The following MNS1 variants were observed in gnomAD, a reference collection of about 807,000 sequenced individuals.
MNS1 encodes meiosis specific nuclear structural 1.
Under a neutral mutation model 72.0 loss-of-function variants are expected in MNS1, and 63 were observed. The observed-to-expected ratio is 0.87, with a 90% CI of 0.71 to 1.08. MNS1 has a LOEUF of 1.08. Ranked by LOEUF, MNS1 falls within the 50% of genes least tolerant of loss-of-function variation. The pLI is 0.00. For missense variants in MNS1, 604 were observed against 562.4 expected, an observed-to-expected ratio of 1.07 and a Z score of -0.75; for synonymous variants, 188 against 172.1, an observed-to-expected ratio of 1.09 and a Z score of -0.72.
intron 3 of MNS1, among the ~76,000 whole-genome samples, chr15:56,450,878 ACTT>A (rs1166643117): frequency 7.2e-5 from 11 of 152,050 alleles, no homozygotes; most frequent in African/African-American, 2.7e-4. Flanking sequence ...CAATTTTCCC[ACTT>A]TCTTGGCAAT....
chr15:56,434,605 G>A (rs1381213750), intron 7 of MNS1, among the ~76,000 whole-genome samples: 1 of 152,028 alleles, frequency 6.6e-6, no homozygotes. Context: ...TGTTACTCAT[G>A]AACAAATTTT....
chr15:56,448,751 CTTTTTTT>C (rs34366643), intron 3 of MNS1, among the ~76,000 whole-genome samples: 45 of 117,672 alleles, frequency 3.8e-4, no homozygotes, highest in Middle Eastern at 5.2e-3. Context: ...TTTTTAGATT[CTTTTTTT>C]TTTTTTTTTT....
intron 2 of MNS1, among the ~76,000 whole-genome samples, chr15:56,463,613 C>T (rs1200579341): frequency 2.0e-5 from 3 of 152,032 alleles, no homozygotes; most frequent in Non-Finnish European, 4.4e-5. Context: ...GAAACCCCGT[C>T]TCTACTAAAA....
intron 7 of MNS1, among the ~76,000 whole-genome samples, chr15:56,434,949 G>C (rs1041719485): frequency 6.6e-6 from 1 of 152,030 alleles, no homozygotes; most frequent in African/African-American, 2.4e-5. Context: ...AGTTGGAACA[G>C]TTAAGTCCTT....
chr15:56,461,339 G>C (rs768013212), intron 2 of MNS1, among the ~76,000 whole-genome samples: 2 of 152,032 alleles, frequency 1.3e-5, no homozygotes, highest in African/African-American at 4.8e-5. Context: ...AGCAAGGAAG[G>C]TATCAAAGAT....
intron 9 of MNS1, chr15:56,429,441 T>G: frequency 5.7e-6 from 2 of 353,098 alleles, no homozygotes; most frequent in South Asian, 7.6e-5. Context: ...CATAGGAATC[T>G]GAGCTCTTCT....
intron 9 of MNS1, chr15:56,430,219 T>A (rs575831448): frequency 6.6e-6 from 1 of 152,334 alleles, no homozygotes; most frequent in East Asian, 1.9e-4. Flanking sequence ...ATTACTTTTT[T>A]AAGACAAGAC....
At chr15:56,457,897 T>C (rs1246000514) in intron 2 of MNS1, among the ~76,000 whole-genome samples, 1 of 80,302 alleles carries the variant, frequency 1.2e-5, no homozygotes, top group Non-Finnish European at 3.5e-5. Flanking sequence ...AAATGAAAAC[T>C]TTTTATTTAA....
In MNS1 at chr15:56,459,990, C is replaced by CAAA. The variant is rs150132300; in HGVS notation, c.226-3472_226-3470dup. On this transcript the variant is annotated intron_variant, in intron 2 of 9. Coordinates refer to ENST00000260453, the MANE Select transcript of MNS1 (RefSeq NM_018365.4). ...GGGCAACAAGAGCGAAATTCTGTCT[C>CAAA]AAAAAAAAAAAAAAAAAAAATACAT... Among the ~76,000 whole-genome samples the CAAA allele has an allele frequency of 2.8e-3, 31 of 11,110 alleles. 8 individuals are homozygous for CAAA. Among genetic ancestry groups the CAAA allele is most frequent in the African/African-American group, 3.6e-3 (8 of 2,238 alleles). 7.3% of individuals were successfully genotyped at this position (11,110 alleles called of 152,430 possible).
chr15:56,464,877 A>G (rs960181915), intron 1 of MNS1, 93 bp downstream of exon 1: 1 of 1,553,686 alleles, frequency 6.4e-7, no homozygotes, highest in African/African-American at 1.4e-5. Context: ...GACCAGATTA[A>G]GCACTTAAAA....
At chr15:56,435,260 A>G (rs2050701698) in intron 7 of MNS1, among the ~76,000 whole-genome samples, 2 of 152,010 alleles carry the variant, frequency 1.3e-5, no homozygotes, top group African/African-American at 2.4e-5. Context: ...CCCCACTTCA[A>G]GAACCTATAA....
In MNS1 at chr15:56,434,422, T is replaced by C. The variant is rs1208241171; in HGVS notation, c.1012-27A>G. The stretch of plus-strand genomic sequence containing the variant: ...TAAACAATACAGCTGAAAGTTAATT[T>C]AGTAACTATTTCCTTACACCAGATT... On this transcript the variant is annotated intron_variant, in intron 7 of 9. Coordinates refer to ENST00000260453, the MANE Select transcript of MNS1 (RefSeq NM_018365.4). 1.9e-6 allele frequency: 3 copies of C among 1,585,494 alleles called. No homozygotes were observed. The African/African-American group carries it at 4.1e-5, about 21-fold the overall frequency.
At position 56,443,321 on chromosome 15, in the gene MNS1, T is replaced by C. The variant is rs957431370; in HGVS notation, c.1011+109A>G. The C allele has an allele frequency of 6.6e-6, 5 of 757,066 alleles. No individual in the cohort carries two copies. The Admixed American group carries it at 1.1e-4, about 16-fold the overall frequency. 46.9% of individuals were successfully genotyped at this position (757,066 alleles called of 1,614,324 possible). On this transcript the variant is annotated intron_variant, in intron 7 of 9. Transcript: ENST00000260453. ...TTAACTGTAGTATACCATTTACATATAATGTAATTACCAGTATGGTTGGAT... is the reference window on the plus strand; with the variant it reads ...TTAACTGTAGTATACCATTTACATACAATGTAATTACCAGTATGGTTGGAT...
chr15:56,448,509 A>T lies in MNS1; in HGVS notation c.354-1566T>A, dbSNP rs1421035729. ...GTATTTGGTTTTCTGTTACTGCGTT[A>T]ATTTGCTTAGGATAACGGCCTCCAG... On this transcript the variant is annotated intron_variant, in intron 3 of 9. Coordinates refer to ENST00000260453, the MANE Select transcript of MNS1 (RefSeq NM_018365.4). Among the ~76,000 whole-genome samples the T allele has an allele frequency of 2.0e-5, 3 of 152,150 alleles. No homozygotes were observed. The East Asian group carries it at 5.8e-4, about 29-fold the overall frequency.
At chr15:56,433,334 G>A (rs1389669786) in intron 8 of MNS1, among the ~76,000 whole-genome samples, 1 of 151,762 alleles carries the variant, frequency 6.6e-6, no homozygotes, top group Non-Finnish European at 1.5e-5. Context: ...CCTAGATGAC[G>A]GGTTGATAGG....
At chr15:56,429,874 C>G (rs1171755621) in intron 9 of MNS1, 3 of 152,158 alleles carry the variant, frequency 2.0e-5, no homozygotes, top group African/African-American at 7.2e-5. Flanking sequence ...CTGCTGCCTC[C>G]ACAATTATTT....
intron 8 of MNS1, among the ~76,000 whole-genome samples, chr15:56,433,434 T>A (rs2050654160): frequency 6.6e-6 from 1 of 151,232 alleles, no homozygotes; most frequent in Non-Finnish European, 1.5e-5. Context: ...ATTAAAAAAA[T>A]AATTAAAAAG....
Position 56,443,873 on chromosome 15 carries a change from TAC to T in MNS1, c.687-21_687-20del. ...TTTTTCCCTGAAAAGCAATAACAAGTACAGATTTATAGTAAACAATAAAATAT... is the reference window on the plus strand; with the variant it reads ...TTTTTCCCTGAAAAGCAATAACAAGTAGATTTATAGTAAACAATAAAATAT... On this transcript the variant is annotated intron_variant, in intron 5 of 9. Coordinates refer to ENST00000260453, the MANE Select transcript of MNS1 (RefSeq NM_018365.4). 6.5e-7 allele frequency: 1 copy of T among 1,528,894 alleles called. No homozygotes were observed. Among genetic ancestry groups the T allele is most frequent in the Non-Finnish European group, 8.9e-7 (1 of 1,123,762 alleles). The allele number at this position is 1,528,894 out of a possible 1,614,324, so 94.7% of individuals were successfully genotyped here.
At chr15:56,429,299 G>A in intron 9 of MNS1, 106 bp from the exon 10 acceptor site, 1 of 700,236 alleles carries the variant, frequency 1.4e-6, no homozygotes, top group South Asian at 1.8e-5. Context: ...CCAAGGTAAT[G>A]AAATCTATTC....
Sources: gnomAD v4.1 joint callset for allele counts (sites outside exome capture counted in the v4.1 genomes callset) on GRCh38, gnomAD v4.1.1 for gene constraint, MANE v1.5 for transcripts, NCBI Gene and HGNC (gene_info 2026-07-23, HGNC 2026-07-21) for gene names.